IFI35: variants seen among roughly 807,000 people sequenced by gnomAD.
IFI35 encodes the protein interferon induced protein 35, also known as interferon-induced 35 kDa protein.
A neutral mutation model predicts 28.6 loss-of-function variants in IFI35; 30 were observed. That is an observed-to-expected ratio of 1.05 (90% CI 0.79 to 1.43). IFI35 has a LOEUF of 1.43. IFI35 is among the 40% of genes most tolerant of loss of function. The pLI, the probability that IFI35 is intolerant of heterozygous loss-of-function variation, is 0.00. For synonymous variants in IFI35, 146 were observed against 154.8 expected (o/e 0.94, Z 0.42); for missense variants, 372 against 356.9 (o/e 1.04, Z -0.34).
Position 43,013,214 on chromosome 17 carries a change from C to T in IFI35, c.268+20C>T. On this transcript the variant is annotated intron_variant, in intron 3 of 6. Coordinates refer to ENST00000415816, the MANE Select transcript of IFI35 (RefSeq NM_001330230.2). ...CCAAAGGTAAGCTCATGGGGAGCCT[C>T]AGGAGGGAGGTGGGGAGGGTTCCCA... 2 of 1,614,126 alleles carry T rather than the reference C, an allele frequency of 1.2e-6. No homozygotes were observed. Among genetic ancestry groups the T allele is most frequent in the Non-Finnish European group, 1.7e-6 (2 of 1,179,986 alleles).
intron 1 of IFI35, among the ~76,000 whole-genome samples, chr17:43,008,673 G>A (rs892085172): frequency 1.3e-5 from 2 of 151,536 alleles, no homozygotes; most frequent in African/African-American, 2.4e-5. Flanking sequence ...ACAGGCACCC[G>A]CCACCACGCC....
In IFI35 at chr17:43,007,872, T is replaced by C. The variant is rs190773035; in HGVS notation, c.21+904T>C. On this transcript the variant is annotated intron_variant, in intron 1 of 6. Coordinates refer to ENST00000415816, the MANE Select transcript of IFI35 (RefSeq NM_001330230.2). The stretch of plus-strand genomic sequence containing the variant: ...TTATATATATATATATATATATATA[T>C]ACTATAAGAATTATACTTTAAGAAT... Among the ~76,000 whole-genome samples, 18 of 136,574 alleles carry C rather than the reference T, an allele frequency of 1.3e-4. 1 individual carries two copies. The highest frequency in any genetic ancestry group is 4.7e-4 in the South Asian group (2 of 4,282). 89.6% of individuals were successfully genotyped at this position (136,574 alleles called of 152,430 possible).
chr17:43,013,363 C>A lies in IFI35; in HGVS notation c.365C>A (p.Thr122Asn). 6.2e-7 allele frequency: 1 copy of A among 1,613,896 alleles called. No individual in the cohort carries two copies. Among genetic ancestry groups the A allele is most frequent in the Non-Finnish European group, 8.5e-7 (1 of 1,179,854 alleles). ...CAGCCCTTGGAGCTGCCCATGGTCACCACCATCCAGGTGATGGTATGACAG... is the reference window on the plus strand; with the variant it reads ...CAGCCCTTGGAGCTGCCCATGGTCAACACCATCCAGGTGATGGTATGACAG... ...QVQPLELPMVTTIQMSSQLSG... is the reference protein window; with the variant it reads ...QVQPLELPMVNTIQMSSQLSG... Residue 122 changes from threonine (T) to asparagine (N), a missense_variant, in exon 4 of 7, where the codon ACC (threonine) becomes AAC (asparagine). Coordinates refer to ENST00000415816, the MANE Select transcript of IFI35 (RefSeq NM_001330230.2).
intron 6 of IFI35, 106 bp downstream of exon 6, chr17:43,013,988 AC>A: frequency 7.8e-7 from 1 of 1,278,018 alleles, no homozygotes. Flanking sequence ...TGACCTACCT[AC>A]CCACCATCAG....
At chr17:43,009,961 C>T (rs991881363) in intron 1 of IFI35, among the ~76,000 whole-genome samples, 1 of 150,414 alleles carries the variant, frequency 6.6e-6, no homozygotes, top group Admixed American at 6.6e-5. Flanking sequence ...GAGGGCTGGG[C>T]GCGGTGTCTC....
intron 1 of IFI35, among the ~76,000 whole-genome samples, chr17:43,009,311 T>A (rs992191465): frequency 2.0e-5 from 3 of 152,154 alleles, no homozygotes; most frequent in African/African-American, 7.2e-5. Context: ...GATTTTTTAT[T>A]TCTATTAAAA....
chr17:43,013,568 G>A lies in IFI35; in HGVS notation c.468G>A (p.Glu156=). ...AGGAGGAGCTGCTGGACAAGCTAGA[G>A]ATCTTCTTTGGCAAGACTAGGAACG... ...LSEEELLDKL[E]IFFGKTRNGG... The change falls in exon 5 of 7, where the codon GAG becomes GAA. Residue 156 remains glutamate, a synonymous_variant. Coordinates refer to ENST00000415816, the MANE Select transcript of IFI35 (RefSeq NM_001330230.2). The A allele has an allele frequency of 1.2e-6, 2 of 1,614,184 alleles. No homozygotes were observed. Among genetic ancestry groups the A allele is most frequent in the Non-Finnish European group, 1.7e-6 (2 of 1,180,026 alleles).
At chr17:43,009,958 G>A (rs1161705032) in intron 1 of IFI35, among the ~76,000 whole-genome samples, 2 of 150,810 alleles carry the variant, frequency 1.3e-5, no homozygotes, top group Non-Finnish European at 3.0e-5. Flanking sequence ...ATAGAGGGCT[G>A]GGCGCGGTGT....
chr17:43,009,477 G>A (rs2050438005), intron 1 of IFI35, among the ~76,000 whole-genome samples: 3 of 152,032 alleles, frequency 2.0e-5, no homozygotes, highest in Non-Finnish European at 2.9e-5. Flanking sequence ...AATTAGAGCC[G>A]GGCACGGTGG....
chr17:43,012,110 C>T lies in IFI35; in HGVS notation c.22-69C>T. ...TTTGGAGCGTCCAGAATAGGCCCCA[C>T]TTCCCCTGGGCTTGTTGATTCTCTG... On this transcript the variant is annotated intron_variant, in intron 1 of 6. Coordinates refer to ENST00000415816, the MANE Select transcript of IFI35 (RefSeq NM_001330230.2). 3 of 1,196,278 alleles carry T rather than the reference C, an allele frequency of 2.5e-6. No homozygotes were observed. The South Asian group carries it at 4.3e-5, about 17-fold the overall frequency. 74.1% of individuals were successfully genotyped at this position (1,196,278 alleles called of 1,614,324 possible).
At chr17:43,009,624 G>A (rs556126911) in intron 1 of IFI35, among the ~76,000 whole-genome samples, 3 of 152,126 alleles carry the variant, frequency 2.0e-5, no homozygotes, top group East Asian at 3.9e-4. Flanking sequence ...ATGGTGGTGC[G>A]TGCCTGTAGT....
intron 1 of IFI35, among the ~76,000 whole-genome samples, chr17:43,008,343 CT>C (rs34285823): frequency 0.14 from 12,486 of 89,300 alleles, 367 homozygotes; most frequent in African/African-American, 0.16. Flanking sequence ...CTTTTCTTTC[CT>C]TTTTTTTTTT....
chr17:43,014,283 C>T lies in IFI35; in HGVS notation c.845C>T (p.Thr282Ile). ...PQGQQGLAVF[T>I]SESG is the part of the protein sequence containing the mutation. ...GGACAGCAGGGCCTAGCAGTCTTCA[C>T]CTCTGAGTCAGGCTAGGGGCCTCCC... Residue 282 changes from threonine (T) to isoleucine (I), a missense_variant, in exon 7 of 7, where the codon ACC becomes ATC. By Grantham distance (89) the Thr-to-Ile change is moderately conservative (BLOSUM62 -1). Transcript: ENST00000415816. The T allele has an allele frequency of 6.4e-6, 10 of 1,569,872 alleles. No individual in the cohort carries two copies. Among genetic ancestry groups the T allele is most frequent in the Non-Finnish European group, 8.6e-6 (10 of 1,159,488 alleles).
Position 43,006,820 on chromosome 17 carries a change from T to C in IFI35, c.-128T>C. The C allele has an allele frequency of 1.1e-6, 1 of 932,694 alleles. No homozygotes were observed. The highest frequency in any genetic ancestry group is 1.8e-6 in the Non-Finnish European group (1 of 565,114). The allele number at this position is 932,694 out of a possible 1,614,324, so 57.8% of individuals were successfully genotyped here. ...CGAGCAGAGCCTCCTGAGGTGTATT[T>C]CGGGTCTTGCTGGGGCTGAGAGAGA... On this transcript the variant is annotated 5_prime_UTR_variant, in exon 1 of 7. Coordinates refer to ENST00000415816, the MANE Select transcript of IFI35 (RefSeq NM_001330230.2).
chr17:43,007,923 A>G (rs1349144610), intron 1 of IFI35, among the ~76,000 whole-genome samples: 8 of 149,200 alleles, frequency 5.4e-5, no homozygotes, highest in Admixed American at 5.3e-4. Flanking sequence ...ATAGATTAAC[A>G]CGGTAAAAAC....
chr17:43,011,102 C>G (rs1329355479), intron 1 of IFI35, among the ~76,000 whole-genome samples: 3 of 152,206 alleles, frequency 2.0e-5, no homozygotes, highest in Non-Finnish European at 4.4e-5. Flanking sequence ...CCTCCCCACT[C>G]TGGGCTTCAT....
Position 43,013,685 on chromosome 17 carries a change from G to A in IFI35, c.562+23G>A, listed in dbSNP as rs2050488703. The A allele has an allele frequency of 1.9e-6, 3 of 1,611,826 alleles. No homozygotes were observed. In the African/African-American group the frequency reaches 4.0e-5, roughly 22 times the overall value. The stretch of plus-strand genomic sequence containing the variant: ...GAGGTGAGGGCTATGCAGGCCTCCT[G>A]CAGGGGAGAGGGTATAGGGTGTGCA... On this transcript the variant is annotated intron_variant, in intron 5 of 6. Transcript: ENST00000415816.
At position 43,014,302 on chromosome 17, in the gene IFI35, G is replaced by T. The variant is rs369705831; in HGVS notation, c.*3G>T. Reference sequence around the variant, plus strand: ...TCTTCACCTCTGAGTCAGGCTAGGGGCCTCCCCTTCTCATCCTCCCCACCC... The same window carrying T: ...TCTTCACCTCTGAGTCAGGCTAGGGTCCTCCCCTTCTCATCCTCCCCACCC... On this transcript the variant is annotated 3_prime_UTR_variant, in exon 7 of 7. Transcript: ENST00000415816. 29 of 1,532,324 alleles carry T rather than the reference G, an allele frequency of 1.9e-5. No homozygotes were observed. The highest frequency in any genetic ancestry group is 2.5e-5 in the Non-Finnish European group (28 of 1,141,808). 94.9% of individuals were successfully genotyped at this position (1,532,324 alleles called of 1,614,324 possible).
chr17:43,010,680 T>C (rs1367734100), intron 1 of IFI35, among the ~76,000 whole-genome samples: 3 of 152,222 alleles, frequency 2.0e-5, no homozygotes, highest in South Asian at 2.1e-4. Context: ...CTGCTAAAAA[T>C]AGAACAAACT....
Sources: allele counts gnomAD v4.1 joint callset (sites outside exome capture counted in the v4.1 genomes callset), GRCh38; gene constraint gnomAD v4.1.1; transcripts MANE v1.5; gene names NCBI Gene and HGNC (gene_info 2026-07-23, HGNC 2026-07-21).